Variants in FANCI observed in about 807,000 individuals in gnomAD.
FANCI encodes the protein Fanconi anemia group I protein.
A neutral mutation model predicts 176.1 loss-of-function variants in FANCI; 156 were observed. The observed-to-expected ratio is 0.89, with a 90% CI of 0.78 to 1.01. The LOEUF (loss-of-function observed/expected upper bound fraction) is 1.01, where lower values mean the gene tolerates loss of function less well. FANCI is among the 50% of genes least tolerant of loss of function. The probability of loss-of-function intolerance (pLI) is 0.00; values close to 1 mark genes in which losing one functional copy is unlikely to be tolerated. For synonymous variants in FANCI, 613 were observed against 541.7 expected, an observed-to-expected ratio of 1.13 and a Z score of -1.83; for missense variants, 1,678 against 1,534.1, an observed-to-expected ratio of 1.09 and a Z score of -1.57.
chr15:89,287,323 C>A (rs1243829986), intron 18 of FANCI, among the ~76,000 whole-genome samples: 4 of 152,182 alleles, frequency 2.6e-5, no homozygotes, highest in Non-Finnish European at 5.9e-5. Flanking sequence ...ACCTCATGAA[C>A]CAACCTCTGC....
rs554839450 is a variant in FANCI at position 89,315,162 on chromosome 15, G to T, written c.3817-120G>T. ...AACCCCAGCATACAGAAGGAAGTGG[G>T]TGCGTGCTTGCTTTAGGTAGAAATG... is the stretch of plus-strand genomic sequence containing the variant. On this transcript the variant is annotated intron_variant, in intron 36 of 37. Transcript: ENST00000310775. 15 of 764,738 alleles carry T rather than the reference G, an allele frequency of 2.0e-5. 1 individual carries two copies. The South Asian group carries it at 2.1e-4, about 11-fold the overall frequency. The allele number at this position is 764,738 out of a possible 1,614,324, so 47.4% of individuals were successfully genotyped here.
Position 89,291,734 on chromosome 15 carries a change from T to C in FANCI, c.1992+20T>C. ...CCACTGGTGAGACTTTTATTCTTCC[T>C]TCAACCATTATTTTTAGTATTAAGG... On this transcript the variant is annotated intron_variant, in intron 20 of 37. Coordinates refer to ENST00000310775, the MANE Select transcript of FANCI (RefSeq NM_001113378.2). The C allele has an allele frequency of 6.3e-7, 1 of 1,585,382 alleles. No individual in the cohort carries two copies. The highest frequency in any genetic ancestry group is 8.7e-7 in the Non-Finnish European group (1 of 1,154,168).
At chr15:89,274,756 C>T (rs1397233251) in intron 12 of FANCI, among the ~76,000 whole-genome samples, 4 of 151,822 alleles carry the variant, frequency 2.6e-5, no homozygotes, top group African/African-American at 7.3e-5. Flanking sequence ...AGGCATGCTC[C>T]ACCATGCCCA....
chr15:89,268,490 T>C lies in FANCI; in HGVS notation c.847T>C (p.Tyr283His). ...LHIVFAIKLD[Y>H]ELGRELVKHL... ...CATTGTGTTTGCCATCAAATTGGAC[T>C]ATGAACTAGGCAGAGAACTCGTGAA... Residue 283 changes from tyrosine to histidine, a missense_variant, in exon 10 of 38, where the codon TAT becomes CAT. By Grantham distance (83) the Tyr-to-His change is moderately conservative. This residue lies in a region of FANCI where 469 missense variants were observed against 436.9 expected (regional missense o/e 1.07). Coordinates refer to ENST00000310775, the MANE Select transcript of FANCI (RefSeq NM_001113378.2). 6.2e-7 allele frequency: 1 copy of C among 1,614,244 alleles called. No homozygotes were observed. Among genetic ancestry groups the C allele is most frequent in the Non-Finnish European group, 8.5e-7 (1 of 1,180,030 alleles).
At chr15:89,253,575 T>C (rs2057581013) in intron 2 of FANCI, among the ~76,000 whole-genome samples, 1 of 151,952 alleles carries the variant, frequency 6.6e-6, no homozygotes, top group African/African-American at 2.4e-5. Context: ...CATGGATGAA[T>C]TTCTCTTTAA....
intron 3 of FANCI, 151 bp from the exon 4 acceptor site, chr15:89,260,562 A>G (rs1397500765): frequency 4.3e-6 from 4 of 940,892 alleles, no homozygotes; most frequent in Middle Eastern, 7.1e-4. Context: ...CACTTTTTCA[A>G]AGCCCTTAAC....
At chr15:89,297,630 A>G in intron 24 of FANCI, among the ~76,000 whole-genome samples, 1 of 152,120 alleles carries the variant, frequency 6.6e-6, no homozygotes, top group East Asian at 1.9e-4. Context: ...GTGTGGCGGC[A>G]ATTGCAGGCA....
chr15:89,278,649 G>T (rs1334966777), intron 13 of FANCI, 38 bp from the exon 14 acceptor site: 8 of 1,523,632 alleles, frequency 5.3e-6, no homozygotes, highest in Admixed American at 1.7e-5. Flanking sequence ...AAGCTGAAGG[G>T]TCACCCAGGA....
chr15:89,264,277 G>A (rs895018528), intron 8 of FANCI, among the ~76,000 whole-genome samples: 5 of 152,128 alleles, frequency 3.3e-5, no homozygotes, highest in Admixed American at 6.5e-5. Flanking sequence ...TTTTCTTTGC[G>A]GAGGTAAAAG....
intron 2 of FANCI, among the ~76,000 whole-genome samples, chr15:89,256,011 G>C (rs961293637): frequency 1.3e-5 from 2 of 152,200 alleles, no homozygotes; most frequent in African/African-American, 2.4e-5. Context: ...AGGTTTTATA[G>C]CTAGTAAATG....
Position 89,273,473 on chromosome 15 carries a change from T to G in FANCI, c.975+4T>G, listed in dbSNP as rs761042580. 7.3e-6 allele frequency: 11 copies of G among 1,501,688 alleles called. No homozygotes were observed. Among genetic ancestry groups the G allele is most frequent in the Middle Eastern group, 1.7e-4 (1 of 5,832 alleles). The allele number at this position is 1,501,688 out of a possible 1,614,324, so 93.0% of individuals were successfully genotyped here. A position where few individuals can be genotyped will look rare whatever the true frequency, so the allele number is the denominator to read the frequency against. ...AATACAAAGATTTCAGGACCAGGTA[T>G]TTTTTTAAAATGCCATTTTGTTTCT... On this transcript the variant is annotated splice_donor_region_variant and intron_variant, in intron 11 of 37. Transcript: ENST00000310775.
chr15:89,298,130 G>T (rs1233138054), intron 24 of FANCI, among the ~76,000 whole-genome samples: 5 of 151,630 alleles, frequency 3.3e-5, no homozygotes, highest in African/African-American at 1.2e-4. Context: ...AAAGGAGGTA[G>T]AAGAAGTGAA....
At chr15:89,280,162 C>T (rs927402684) in intron 14 of FANCI, among the ~76,000 whole-genome samples, 1 of 152,192 alleles carries the variant, frequency 6.6e-6, no homozygotes, top group Admixed American at 6.5e-5. Context: ...GCTGGGACTG[C>T]AGGCACGTGC....
At chr15:89,260,947 T>G in intron 4 of FANCI, 104 bp downstream of exon 4, 1 of 1,391,710 alleles carries the variant, frequency 7.2e-7, no homozygotes, top group East Asian at 2.4e-5. Flanking sequence ...TAGTCCTTAT[T>G]TATGAGTAAG....
In FANCI at chr15:89,311,962, C is replaced by T. The variant is rs535294313; in HGVS notation, c.3652-942C>T. On this transcript the variant is annotated intron_variant, in intron 34 of 37. Transcript: ENST00000310775. ...TTTCTTTTGCTTTATCAGAATCTTACACTTTTTGGTTCCTTTTATTAGTTA... is the reference window on the plus strand; with the variant it reads ...TTTCTTTTGCTTTATCAGAATCTTATACTTTTTGGTTCCTTTTATTAGTTA... Among the ~76,000 whole-genome samples, 7 of 152,224 alleles carry T rather than the reference C, an allele frequency of 4.6e-5. No individual in the cohort carries two copies. The South Asian group carries it at 8.3e-4, about 18-fold the overall frequency.
At chr15:89,307,394 G>A in intron 32 of FANCI, 82 bp from the exon 33 acceptor site, 1 of 1,356,268 alleles carries the variant, frequency 7.4e-7, no homozygotes, top group Non-Finnish European at 1.0e-6. Context: ...AGAATGATGA[G>A]TCACACTCCA....
At chr15:89,279,976 T>G (rs1476502275) in intron 14 of FANCI, among the ~76,000 whole-genome samples, 1 of 152,192 alleles carries the variant, frequency 6.6e-6, no homozygotes, top group Non-Finnish European at 1.5e-5. Flanking sequence ...TACCACCTTA[T>G]GACTACAGAA....
chr15:89,258,887 T>G, intron 3 of FANCI, 111 bp downstream of exon 3: 1 of 837,714 alleles, frequency 1.2e-6, no homozygotes, highest in Admixed American at 1.9e-5. Flanking sequence ...TTTCCATGTT[T>G]TGAGGATTCT....
At chr15:89,273,178 G>T (rs1009934020) in intron 10 of FANCI, among the ~76,000 whole-genome samples, 199 bp from the exon 11 acceptor site, 23 of 151,806 alleles carry the variant, frequency 1.5e-4, no homozygotes, top group Non-Finnish European at 4.4e-5. Context: ...AGCCAGGCAT[G>T]GTATAGTCCC....
Sources: allele counts gnomAD v4.1 joint callset (sites outside exome capture counted in the v4.1 genomes callset), GRCh38; gene constraint gnomAD v4.1.1; regional missense constraint gnomAD v4.1.1; transcripts MANE v1.5; gene names NCBI Gene and HGNC (gene_info 2026-07-23, HGNC 2026-07-21).